PKP4: variants seen among roughly 807,000 people sequenced by gnomAD.
PKP4 encodes plakophilin 4.
Under a neutral mutation model 145.1 loss-of-function variants are expected in PKP4, and 90 were observed. That is an observed-to-expected ratio of 0.62 (90% CI 0.52 to 0.74). The LOEUF (loss-of-function observed/expected upper bound fraction) is 0.74, where lower values mean the gene tolerates loss of function less well. PKP4 is among the 30% of genes least tolerant of loss of function. The probability of loss-of-function intolerance (pLI) is 0.00; values close to 1 mark genes in which losing one functional copy is unlikely to be tolerated. For synonymous variants in PKP4, 563 were observed against 577.2 expected, an observed-to-expected ratio of 0.98 and a Z score of 0.35; for missense variants, 1,340 against 1,482.7, an observed-to-expected ratio of 0.90 and a Z score of 1.58.
rs548759441 is a variant in PKP4 at position 158,488,041 on chromosome 2, G to A, written c.-6+30823G>A. On this transcript the variant is annotated intron_variant, in intron 1 of 21. Coordinates refer to ENST00000389759, the MANE Select transcript of PKP4 (RefSeq NM_003628.6). ...ACAGGATCAAGCTATATTCTAGGTA[G>A]ACCCTTTATGTTTTTCAATCTGTTC... 5.9e-5 allele frequency among the ~76,000 whole-genome samples: 9 copies of A among 152,224 alleles called. No homozygotes were observed. In the East Asian group the frequency reaches 1.7e-3, roughly 29 times the overall value.
chr2:158,496,810 CTCTCTG>C (rs1219959269), intron 1 of PKP4, among the ~76,000 whole-genome samples: 2 of 139,526 alleles, frequency 1.4e-5, no homozygotes, highest in Non-Finnish European at 1.6e-5. Context: ...GTGTCTCACT[CTCTCTG>C]TCTCTGTCTC....
intron 11 of PKP4, among the ~76,000 whole-genome samples, chr2:158,655,113 A>C (rs2055785403): frequency 6.6e-6 from 1 of 152,234 alleles, no homozygotes; most frequent in African/African-American, 2.4e-5. Flanking sequence ...TATTATATGT[A>C]AAGCACACAA....
In PKP4 at chr2:158,663,104, TA is replaced by T; in HGVS notation, c.2403+17del. The T allele has an allele frequency of 6.4e-7, 1 of 1,572,258 alleles. No homozygotes were observed. The highest frequency in any genetic ancestry group is 8.6e-7 in the Non-Finnish European group (1 of 1,160,278). Reference sequence around the variant, plus strand: ...AGAAGATCAAGTTAGCATTTTATTTTATATGAGACTCTCAAGTTTAATTTTT... The same window carrying T: ...AGAAGATCAAGTTAGCATTTTATTTTTATGAGACTCTCAAGTTTAATTTTT... On this transcript the variant is annotated intron_variant, in intron 14 of 21. Coordinates refer to ENST00000389759, the MANE Select transcript of PKP4 (RefSeq NM_003628.6).
chr2:158,537,264 CAAAAT>C (rs1250128442), intron 2 of PKP4, among the ~76,000 whole-genome samples: 2 of 152,062 alleles, frequency 1.3e-5, no homozygotes, highest in Non-Finnish European at 2.9e-5. Flanking sequence ...TTGCATAGTA[CAAAAT>C]AAAATTTTAT....
Position 158,646,539 on chromosome 2 carries a change from T to C in PKP4, c.1909+3840T>C, listed in dbSNP as rs544624849. Among the ~76,000 whole-genome samples the C allele has an allele frequency of 2.4e-4, 37 of 152,310 alleles. 1 individual carries two copies. The South Asian group carries it at 7.5e-3, about 31-fold the overall frequency. On this transcript the variant is annotated intron_variant, in intron 11 of 21. Coordinates refer to ENST00000389759, the MANE Select transcript of PKP4 (RefSeq NM_003628.6). ...TCTAAGCTTTATAGAGACAGCAAAA[T>C]TGCTCACATTTCCCAGTCCTACAAT...
chr2:158,631,475 C>A (rs2053354015), intron 7 of PKP4, among the ~76,000 whole-genome samples: 1 of 152,014 alleles, frequency 6.6e-6, no homozygotes, highest in South Asian at 2.1e-4. Flanking sequence ...CCTCGACATT[C>A]TGGGTTCAAG....
chr2:158,518,210 C>G (rs570908357), intron 1 of PKP4, among the ~76,000 whole-genome samples: 11 of 152,310 alleles, frequency 7.2e-5, no homozygotes, highest in African/African-American at 2.6e-4. Flanking sequence ...ATTCTGAGGT[C>G]TTGGCTCGAA....
chr2:158,628,465 G>T (rs974964945), intron 7 of PKP4, among the ~76,000 whole-genome samples: 2 of 152,036 alleles, frequency 1.3e-5, no homozygotes, highest in African/African-American at 4.8e-5. Context: ...ACACGAGCGG[G>T]TAAACAAAAA....
intron 1 of PKP4, among the ~76,000 whole-genome samples, chr2:158,464,437 TCC>T (rs1308511055): frequency 6.6e-6 from 1 of 152,234 alleles, no homozygotes; most frequent in Non-Finnish European, 1.5e-5. Flanking sequence ...TGAAAGTTTC[TCC>T]TAGACCCTGT....
At chr2:158,679,593 G>A (rs570597946) in intron 21 of PKP4, among the ~76,000 whole-genome samples, 2 of 152,188 alleles carry the variant, frequency 1.3e-5, no homozygotes, top group African/African-American at 4.8e-5. Flanking sequence ...TAAGTAGGGG[G>A]ATTTGGGCAT....
At chr2:158,666,131 A>G (rs1273495630) in intron 15 of PKP4, 1 of 227,278 alleles carries the variant, frequency 4.4e-6, no homozygotes, top group East Asian at 1.1e-4. Context: ...TGTATCTGAG[A>G]TAGAAAGTAA....
chr2:158,636,098 T>C (rs920893551), intron 9 of PKP4, among the ~76,000 whole-genome samples: 3 of 152,136 alleles, frequency 2.0e-5, no homozygotes, highest in Non-Finnish European at 4.4e-5. Flanking sequence ...ATAACATCAA[T>C]GATGCTTCTG....
At chr2:158,465,431 A>G (rs1690458840) in intron 1 of PKP4, among the ~76,000 whole-genome samples, 2 of 152,240 alleles carry the variant, frequency 1.3e-5, no homozygotes, top group Admixed American at 6.5e-5. Flanking sequence ...TTTACCATAT[A>G]GCCTATGTGA....
chr2:158,502,130 C>T (rs1438192309), intron 1 of PKP4, among the ~76,000 whole-genome samples: 1 of 152,120 alleles, frequency 6.6e-6, no homozygotes, highest in Non-Finnish European at 1.5e-5. Flanking sequence ...AAGAGTAGAT[C>T]ATCCACTTGG....
chr2:158,585,438 A>T (rs1407382206), intron 3 of PKP4, among the ~76,000 whole-genome samples: 1 of 152,190 alleles, frequency 6.6e-6, no homozygotes, highest in Non-Finnish European at 1.5e-5. Context: ...CACTTGATCG[A>T]GTCATCTGCA....
At chr2:158,480,077 A>G (rs559593031) in intron 1 of PKP4, among the ~76,000 whole-genome samples, 1 of 152,218 alleles carries the variant, frequency 6.6e-6, no homozygotes, top group Non-Finnish European at 1.5e-5. Context: ...GATCTGTCCC[A>G]TATCCCTAGG....
At chr2:158,530,157 C>T (rs1435570792) in intron 1 of PKP4, among the ~76,000 whole-genome samples, 2 of 152,176 alleles carry the variant, frequency 1.3e-5, no homozygotes, top group African/African-American at 4.8e-5. Flanking sequence ...GACATTAGGC[C>T]AGCTTAACAT....
intron 2 of PKP4, among the ~76,000 whole-genome samples, chr2:158,542,175 A>T (rs1394842045): frequency 6.6e-6 from 1 of 152,194 alleles, no homozygotes; most frequent in East Asian, 1.9e-4. Context: ...GACTATTGGA[A>T]GGGATGCTGC....
chr2:158,605,786 C>A (rs1313489288), intron 4 of PKP4, among the ~76,000 whole-genome samples: 1 of 152,122 alleles, frequency 6.6e-6, no homozygotes, highest in African/African-American at 2.4e-5. Context: ...TTAGCTGTCA[C>A]GCCATTTTAC....
Sources: gnomAD v4.1 joint callset for allele counts (sites outside exome capture counted in the v4.1 genomes callset) on GRCh38, gnomAD v4.1.1 for gene constraint, MANE v1.5 for transcripts, NCBI Gene and HGNC (gene_info 2026-07-23, HGNC 2026-07-21) for gene names.